The following SEMA6A variants were observed in gnomAD, a reference collection of about 807,000 sequenced individuals.
The protein encoded by SEMA6A is semaphorin 6A, also known as semaphorin-6A.
SEMA6A carries 25 observed loss-of-function variants against 96.8 expected under a neutral mutation model. The observed-to-expected ratio is 0.26, with a 90% CI of 0.19 to 0.36. The LOEUF is 0.36. Among genes scored for constraint, SEMA6A ranks in the 10% least tolerant of loss-of-function variants. SEMA6A has a pLI of 1.00. For synonymous variants in SEMA6A, 612 were observed against 518.0 expected (o/e 1.18, Z -2.46); for missense variants, 1,363 against 1,323.1 (o/e 1.03, Z -0.47).
rs1231868684 is a variant in SEMA6A at position 116,446,285 on chromosome 5, T to TGTGG, written c.*327_*328insCCAC. Reference sequence around the variant, plus strand: ...GTGCATGTGTGTGTGTGTGTGTGTGTGGGGGTGGGGGATGGGGTAGGTATG... The same window carrying TGTGG: ...GTGCATGTGTGTGTGTGTGTGTGTGTGTGGGGGGGTGGGGGATGGGGTAGGTATG... On this transcript the variant is annotated 3_prime_UTR_variant, in exon 19 of 19. Coordinates refer to ENST00000343348, the MANE Select transcript of SEMA6A (RefSeq NM_020796.5). The TGTGG allele has an allele frequency of 5.4e-4, 85 of 158,466 alleles. No homozygotes were observed. Among genetic ancestry groups the TGTGG allele is most frequent in the African/African-American group, 3.6e-3 (79 of 21,932 alleles). 9.8% of individuals were successfully genotyped at this position (158,466 alleles called of 1,614,324 possible).
Position 116,450,354 on chromosome 5 carries a change from T to C in SEMA6A, c.1895-2543A>G, listed in dbSNP as rs138551593. Among the ~76,000 whole-genome samples the C allele has an allele frequency of 2.0e-3, 312 of 152,370 alleles. 1 individual carries two copies. The highest frequency in any genetic ancestry group is 7.1e-3 in the African/African-American group (297 of 41,586). On this transcript the variant is annotated intron_variant, in intron 18 of 18. Transcript: ENST00000343348. ...GGATATTCCCAATAAATGTGTATTA[T>C]AATAGGAAGCTATTTACAATTGACT...
At chr5:116,473,397 C>A (rs932921951) in intron 16 of SEMA6A, among the ~76,000 whole-genome samples, 1 of 152,140 alleles carries the variant, frequency 6.6e-6, no homozygotes, top group Admixed American at 6.5e-5. Context: ...GAGTTTAAAC[C>A]CTTCTTTATA....
chr5:116,530,428 T>G (rs1352775451), intron 1 of SEMA6A, among the ~76,000 whole-genome samples: 1 of 152,182 alleles, frequency 6.6e-6, no homozygotes, highest in Admixed American at 6.5e-5. Context: ...TAAATGTCCT[T>G]TCCCATGTTC....
At chr5:116,454,789 AGTGT>A (rs10699953) in intron 18 of SEMA6A, among the ~76,000 whole-genome samples, 67,844 of 150,372 alleles carry the variant, frequency 0.45, 16,313 homozygotes, top group East Asian at 0.64. Context: ...TTTTCCTTTA[AGTGT>A]GTGTGTGTGT....
At chr5:116,493,174 G>A (rs1383046990) in intron 6 of SEMA6A, among the ~76,000 whole-genome samples, 1 of 152,136 alleles carries the variant, frequency 6.6e-6, no homozygotes, top group African/African-American at 2.4e-5. Context: ...AACATGTACA[G>A]GAAGAATAAG....
chr5:116,518,196 ACT>A (rs147108645), intron 1 of SEMA6A, among the ~76,000 whole-genome samples: 8 of 151,924 alleles, frequency 5.3e-5, no homozygotes, highest in African/African-American at 1.9e-4. Context: ...AGGAAGACAG[ACT>A]CTCCTATTCC....
rs116702499 is a variant in SEMA6A, at chr5:116,525,963, G to A, written c.-38-20981C>T. On this transcript the variant is annotated intron_variant, in intron 1 of 18. Transcript: ENST00000343348. ...GGAAGCAGCATTTAAAAACCTCTCT[G>A]GAATCTTTTCACCTAGCAGCCAGCT... 6.3e-3 allele frequency among the ~76,000 whole-genome samples: 957 copies of A among 152,244 alleles called. 7 individuals carry two copies. The highest frequency in any genetic ancestry group is 0.022 in the African/African-American group (903 of 41,536).
chr5:116,496,831 G>A (rs568675825), intron 4 of SEMA6A, among the ~76,000 whole-genome samples: 1 of 152,276 alleles, frequency 6.6e-6, no homozygotes, highest in South Asian at 2.1e-4. Context: ...CTACTCCTAT[G>A]GCACAGGTTT....
At chr5:116,490,171 A>G (rs755018840) in intron 7 of SEMA6A, among the ~76,000 whole-genome samples, 1 of 152,230 alleles carries the variant, frequency 6.6e-6, no homozygotes, top group Non-Finnish European at 1.5e-5. Flanking sequence ...AATATCTGCA[A>G]TATTAACAGC....
chr5:116,572,348 GT>G (rs376650030), intron 1 of SEMA6A, among the ~76,000 whole-genome samples: 86 of 152,212 alleles, frequency 5.7e-4, no homozygotes, highest in African/African-American at 1.9e-3. Context: ...GGCCACCGCA[GT>G]TCCAAAGCAG....
At position 116,564,863 on chromosome 5, in the gene SEMA6A, G is replaced by A. The variant is rs765742436; in HGVS notation, c.-39+9322C>T. Among the ~76,000 whole-genome samples, 36 of 152,212 alleles carry A rather than the reference G, an allele frequency of 2.4e-4. 1 individual carries two copies. Among genetic ancestry groups the A allele is most frequent in the Middle Eastern group, 3.2e-3 (1 of 316 alleles). On this transcript the variant is annotated intron_variant, in intron 1 of 18. Transcript: ENST00000343348. Reference sequence around the variant, plus strand: ...GGTCTCTAGCTCCTTAGCAATGAGTGTCAAGTGTAAAAAAGGAAAGGTTAA... The same window carrying A: ...GGTCTCTAGCTCCTTAGCAATGAGTATCAAGTGTAAAAAAGGAAAGGTTAA...
At chr5:116,522,441 G>A (rs931304778) in intron 1 of SEMA6A, among the ~76,000 whole-genome samples, 1 of 152,182 alleles carries the variant, frequency 6.6e-6, no homozygotes, top group Non-Finnish European at 1.5e-5. Context: ...ACAGGATGCG[G>A]GTGAGGGAAT....
chr5:116,489,989 C>T (rs1444905580), intron 7 of SEMA6A, among the ~76,000 whole-genome samples: 1 of 152,186 alleles, frequency 6.6e-6, no homozygotes, highest in African/African-American at 2.4e-5. Context: ...AAGTGACTTA[C>T]ATACAACATA....
chr5:116,546,844 C>G (rs1411585503), intron 1 of SEMA6A, among the ~76,000 whole-genome samples: 1 of 152,176 alleles, frequency 6.6e-6, no homozygotes, highest in Middle Eastern at 3.2e-3. Context: ...CCCTGATTCC[C>G]TCTCCTCTCA....
At chr5:116,466,222 AC>A (rs1248573482) in intron 18 of SEMA6A, among the ~76,000 whole-genome samples, 1 of 150,456 alleles carries the variant, frequency 6.6e-6, no homozygotes, top group African/African-American at 2.4e-5. Context: ...AAAAAAAAAT[AC>A]AAAAATTAGC....
At chr5:116,532,257 C>A (rs539480344) in intron 1 of SEMA6A, among the ~76,000 whole-genome samples, 1 of 152,248 alleles carries the variant, frequency 6.6e-6, no homozygotes, top group African/African-American at 2.4e-5. Context: ...ATGGATCAAG[C>A]CTACTTAATC....
At chr5:116,541,176 T>C (rs1390908977) in intron 1 of SEMA6A, among the ~76,000 whole-genome samples, 5 of 152,160 alleles carry the variant, frequency 3.3e-5, no homozygotes, top group Non-Finnish European at 7.3e-5. Flanking sequence ...TTGAATCACA[T>C]GCTAGCCTGG....
At chr5:116,499,501 T>C (rs1757772193) in intron 3 of SEMA6A, among the ~76,000 whole-genome samples, 1 of 152,100 alleles carries the variant, frequency 6.6e-6, no homozygotes, top group African/African-American at 2.4e-5. Flanking sequence ...CTCAGAGCAA[T>C]GTTGAGAAGT....
chr5:116,516,344 T>C (rs1235185453), intron 1 of SEMA6A, among the ~76,000 whole-genome samples: 1 of 152,226 alleles, frequency 6.6e-6, no homozygotes, highest in African/African-American at 2.4e-5. Context: ...GGAAGAATTA[T>C]ATCTTGAATT....
Sources: allele counts gnomAD v4.1 joint callset (sites outside exome capture counted in the v4.1 genomes callset), GRCh38; gene constraint gnomAD v4.1.1; transcripts MANE v1.5; gene names NCBI Gene and HGNC (gene_info 2026-07-23, HGNC 2026-07-21).